PIAS1: variants seen among roughly 807,000 people sequenced by gnomAD.
PIAS1 encodes E3 SUMO-protein ligase PIAS1.
A neutral mutation model predicts 71.3 loss-of-function variants in PIAS1; 6 were observed. That is an observed-to-expected ratio of 0.08 (90% CI 0.05 to 0.17). The LOEUF is 0.17. PIAS1 is among the 10% of genes least tolerant of loss of function. The pLI, the probability that PIAS1 is intolerant of heterozygous loss-of-function variation, is 1.00. For synonymous variants in PIAS1, 303 were observed against 292.9 expected (o/e 1.03, Z -0.35); for missense variants, 555 against 793.6 (o/e 0.70, Z 3.61).
At chr15:68,121,683 C>G (rs1168860875) in intron 2 of PIAS1, among the ~76,000 whole-genome samples, 1 of 152,122 alleles carries the variant, frequency 6.6e-6, no homozygotes, top group Non-Finnish European at 1.5e-5. Flanking sequence ...TTAATCTGCT[C>G]TCTGTATGAG....
chr15:68,129,569 TTA>T (rs996622362), intron 2 of PIAS1, among the ~76,000 whole-genome samples: 7 of 151,972 alleles, frequency 4.6e-5, no homozygotes, highest in African/African-American at 1.7e-4. Flanking sequence ...CTGCATGCTT[TTA>T]TGATTTAAAA....
At chr15:68,057,201 T>C (rs1173915316) in intron 1 of PIAS1, among the ~76,000 whole-genome samples, 2 of 152,220 alleles carry the variant, frequency 1.3e-5, no homozygotes, top group Middle Eastern at 3.2e-3. Context: ...AAAAATTAGA[T>C]TGTGAGTCAT....
chr15:68,065,753 T>TG (rs2092013624), intron 1 of PIAS1, among the ~76,000 whole-genome samples: 1 of 143,790 alleles, frequency 7.0e-6, no homozygotes, highest in Non-Finnish European at 1.5e-5. Context: ...TTTTTTTTTT[T>TG]TTTTGGAGAC....
intron 2 of PIAS1, among the ~76,000 whole-genome samples, chr15:68,113,350 A>T (rs1460152362): frequency 6.6e-6 from 1 of 152,226 alleles, no homozygotes; most frequent in East Asian, 1.9e-4. Context: ...CAAAAAAAGA[A>T]AATGAAAGTT....
At chr15:68,091,977 T>C (rs2092335313) in intron 2 of PIAS1, among the ~76,000 whole-genome samples, 1 of 152,202 alleles carries the variant, frequency 6.6e-6, no homozygotes, top group Non-Finnish European at 1.5e-5. Flanking sequence ...TGTAGTCATA[T>C]AAAAGTATGG....
intron 2 of PIAS1, among the ~76,000 whole-genome samples, chr15:68,104,459 C>T (rs1856165566): frequency 6.6e-6 from 1 of 152,144 alleles, no homozygotes; most frequent in Non-Finnish European, 1.5e-5. Flanking sequence ...AGAGTAATTA[C>T]TGTGTCTTGC....
intron 2 of PIAS1, among the ~76,000 whole-genome samples, chr15:68,119,606 A>G (rs1346837068): frequency 6.6e-6 from 1 of 152,194 alleles, no homozygotes; most frequent in Non-Finnish European, 1.5e-5. Flanking sequence ...CTATCTTGGT[A>G]AATGTTCTGT....
chr15:68,127,084 C>G (rs1470769177), intron 2 of PIAS1, among the ~76,000 whole-genome samples: 1 of 151,956 alleles, frequency 6.6e-6, no homozygotes, highest in African/African-American at 2.4e-5. Flanking sequence ...GCGCACCATG[C>G]TGGGCTAATT....
chr15:68,075,078 CTT>C lies in PIAS1; in HGVS notation c.25-11203_25-11202del, dbSNP rs146114696. ...ATAAAAACATTTTCTTTCTTTCTTT[CTT>C]TTTTTTTTTTTTTTTTTTTTTTTTG... On this transcript the variant is annotated intron_variant, in intron 1 of 13. Coordinates refer to ENST00000249636, the MANE Select transcript of PIAS1 (RefSeq NM_016166.3). 8.0e-3 allele frequency among the ~76,000 whole-genome samples: 650 copies of C among 81,678 alleles called. 11 individuals carry two copies. Among genetic ancestry groups the C allele is most frequent in the African/African-American group, 0.03 (608 of 20,534 alleles). The allele number at this position is 81,678 out of a possible 152,430, so 53.6% of individuals were successfully genotyped here.
At chr15:68,129,193 A>T (rs1252059573) in intron 2 of PIAS1, among the ~76,000 whole-genome samples, 1 of 152,076 alleles carries the variant, frequency 6.6e-6, no homozygotes, top group African/African-American at 2.4e-5. Context: ...CTCCTGAGTA[A>T]CTAGGACTGT....
intron 2 of PIAS1, among the ~76,000 whole-genome samples, chr15:68,103,321 G>A (rs1364318377): frequency 1.0e-5 from 1 of 99,964 alleles, no homozygotes; most frequent in African/African-American, 4.0e-5. Context: ...ACCATGTTTT[G>A]TATTATTATC....
chr15:68,129,829 A>ACACT (rs2092677244), intron 2 of PIAS1, among the ~76,000 whole-genome samples: 1 of 149,606 alleles, frequency 6.7e-6, no homozygotes. Context: ...ACACACACAC[A>ACACT]CACACACTCT....
intron 2 of PIAS1, among the ~76,000 whole-genome samples, chr15:68,104,561 G>A (rs769284517): frequency 6.6e-5 from 10 of 151,940 alleles, no homozygotes; most frequent in Non-Finnish European, 1.3e-4. Flanking sequence ...CAAATATTTC[G>A]TGTTCTCACT....
At chr15:68,182,447 TG>T (rs2093059747) in intron 12 of PIAS1, among the ~76,000 whole-genome samples, 9 of 145,520 alleles carry the variant, frequency 6.2e-5, no homozygotes, top group African/African-American at 2.3e-4. Flanking sequence ...TGTGTGTGTG[TG>T]TGTGTGTGTG....
chr15:68,130,427 G>GT (rs1364900013), intron 2 of PIAS1, among the ~76,000 whole-genome samples: 1 of 151,538 alleles, frequency 6.6e-6, no homozygotes, highest in Non-Finnish European at 1.5e-5. Flanking sequence ...CATTCCAAAT[G>GT]TTTTTTTCTA....
intron 1 of PIAS1, among the ~76,000 whole-genome samples, chr15:68,075,643 T>A (rs1283316917): frequency 6.6e-6 from 1 of 152,154 alleles, no homozygotes; most frequent in Admixed American, 6.5e-5. Context: ...AAAGGGTCGT[T>A]ATTATTAATA....
chr15:68,163,839 G>T (rs2141076654), intron 7 of PIAS1, among the ~76,000 whole-genome samples: 1 of 152,210 alleles, frequency 6.6e-6, no homozygotes, highest in East Asian at 1.9e-4. Context: ...AGACTTTAAA[G>T]TTATTATGGG....
intron 2 of PIAS1, among the ~76,000 whole-genome samples, chr15:68,120,884 A>C (rs1221021098): frequency 1.3e-5 from 2 of 151,940 alleles, no homozygotes; most frequent in Non-Finnish European, 2.9e-5. Context: ...TGAACTCCTG[A>C]CTCGGCCTCG....
At chr15:68,107,347 A>G (rs1261048589) in intron 2 of PIAS1, among the ~76,000 whole-genome samples, 1 of 152,212 alleles carries the variant, frequency 6.6e-6, no homozygotes, top group Non-Finnish European at 1.5e-5. Flanking sequence ...CTTAATCCTT[A>G]TCAGAAGGAA....
Sources: gnomAD v4.1 joint callset for allele counts (sites outside exome capture counted in the v4.1 genomes callset) on GRCh38, gnomAD v4.1.1 for gene constraint, MANE v1.5 for transcripts, NCBI Gene and HGNC (gene_info 2026-07-23, HGNC 2026-07-21) for gene names.